The following ACOT11 variants were observed in gnomAD, a reference collection of about 807,000 sequenced individuals.
The protein encoded by ACOT11 is acyl-CoA thioesterase 11.
ACOT11 carries 69 observed loss-of-function variants against 77.5 expected under a neutral mutation model. That is an observed-to-expected ratio of 0.89 (90% CI 0.73 to 1.09). ACOT11 has a LOEUF of 1.09. Among genes scored for constraint, ACOT11 ranks in the 50% least tolerant of loss-of-function variants. The pLI is 0.00. For synonymous variants in ACOT11, 279 were observed against 313.0 expected (o/e 0.89, Z 1.15); for missense variants, 766 against 813.7 (o/e 0.94, Z 0.71).
chr1:54,569,195 C>T (rs1488057146), intron 1 of ACOT11, among the ~76,000 whole-genome samples: 1 of 150,958 alleles, frequency 6.6e-6, no homozygotes, highest in Admixed American at 6.6e-5. Flanking sequence ...CGCCTGGCTT[C>T]AAGCAATCCT....
At chr1:54,586,030 A>C in intron 3 of ACOT11, 126 bp downstream of exon 3, 1 of 784,440 alleles carries the variant, frequency 1.3e-6, no homozygotes, top group Non-Finnish European at 1.8e-6. Flanking sequence ...ACTGAAAATG[A>C]GGTGGGGGCA....
chr1:54,560,002 G>A (rs1178225710), intron 1 of ACOT11, among the ~76,000 whole-genome samples: 1 of 152,200 alleles, frequency 6.6e-6, no homozygotes, highest in Non-Finnish European at 1.5e-5. Flanking sequence ...CAGCTCCCTG[G>A]CTGCAGGCCT....
chr1:54,562,725 G>C (rs1187248561), intron 1 of ACOT11, among the ~76,000 whole-genome samples: 31 of 73,960 alleles, frequency 4.2e-4, no homozygotes, highest in African/African-American at 1.9e-3. Flanking sequence ...TCACCTCCCA[G>C]ACGGGGTCTC....
Position 54,610,073 on chromosome 1 carries a change from G to A in ACOT11, c.*961G>A. On this transcript the variant is annotated 3_prime_UTR_variant, in exon 16 of 16. Transcript: ENST00000343744. ...TGCCTCTCTGGAATCTGTCAACCCA[G>A]TTTTGGGCTCCAGGTGGATGGGTTG... 7.0e-7 allele frequency: 1 copy of A among 1,438,406 alleles called. No individual in the cohort carries two copies. 89.1% of individuals were successfully genotyped at this position (1,438,406 alleles called of 1,614,324 possible).
At chr1:54,549,147 C>T (rs1652976696) in intron 1 of ACOT11, among the ~76,000 whole-genome samples, 1 of 152,160 alleles carries the variant, frequency 6.6e-6, no homozygotes, top group Non-Finnish European at 1.5e-5. Context: ...CTCACCGGGC[C>T]CTGTGCATCT....
intron 3 of ACOT11, 59 bp downstream of exon 3, chr1:54,585,963 G>A (rs1654484145): frequency 1.3e-5 from 20 of 1,567,986 alleles, no homozygotes; most frequent in Non-Finnish European, 1.7e-5. Context: ...CCTGGGGCCT[G>A]TCCTCCTGAC....
intron 1 of ACOT11, among the ~76,000 whole-genome samples, chr1:54,554,210 C>G (rs1485089743): frequency 6.6e-6 from 1 of 150,388 alleles, no homozygotes; most frequent in African/African-American, 2.4e-5. Context: ...AAAAACTCCA[C>G]CATAACATAC....
intron 15 of ACOT11, among the ~76,000 whole-genome samples, 158 bp from the exon 16 acceptor site, chr1:54,608,799 G>A (rs1192859292): frequency 6.6e-6 from 1 of 152,104 alleles, no homozygotes; most frequent in African/African-American, 2.4e-5. Flanking sequence ...CTGGGCAACT[G>A]TGTAATCTAA....
chr1:54,634,154 A>G (rs1351324854), intron 16 of ACOT11, among the ~76,000 whole-genome samples: 1 of 152,250 alleles, frequency 6.6e-6, no homozygotes, highest in African/African-American at 2.4e-5. Flanking sequence ...GCAAGCTTTT[A>G]TAAATAGTCT....
intron 15 of ACOT11, among the ~76,000 whole-genome samples, chr1:54,617,920 T>C (rs1644190838): frequency 6.6e-6 from 1 of 150,796 alleles, no homozygotes; most frequent in South Asian, 2.1e-4. Flanking sequence ...GGAGATGCGG[T>C]TTCACCATAT....
In ACOT11 at chr1:54,609,258, C is replaced by T. The variant is rs200946242; in HGVS notation, c.*146C>T. The T allele has an allele frequency of 2.5e-6, 4 of 1,599,898 alleles. No individual in the cohort carries two copies. Among genetic ancestry groups the T allele is most frequent in the African/African-American group, 2.7e-5 (2 of 74,766 alleles). ...GCCCTGAGGTCCGCTGGCCCACCAC[C>T]CCTGGGTGCTCAGTTTCTACCAACA... On this transcript the variant is annotated 3_prime_UTR_variant, in exon 16 of 16. Transcript: ENST00000343744.
chr1:54,612,547 G>T (rs766394836), downstream of ACOT11: 5 of 1,614,062 alleles, frequency 3.1e-6, no homozygotes, highest in South Asian at 4.4e-5. Flanking sequence ...ATGGAAGACC[G>T]TACAGGGAAG....
chr1:54,548,407 G>T, intron 1 of ACOT11, 65 bp downstream of exon 1: 1 of 1,546,148 alleles, frequency 6.5e-7, no homozygotes. Flanking sequence ...AGAGATTGAT[G>T]TTTCCATTTT....
intron 1 of ACOT11, among the ~76,000 whole-genome samples, chr1:54,568,177 A>C (rs1314635469): frequency 6.6e-6 from 1 of 151,936 alleles, no homozygotes; most frequent in Non-Finnish European, 1.5e-5. Context: ...ATTCCTTCAG[A>C]TCCTAGCCAG....
intron 1 of ACOT11, among the ~76,000 whole-genome samples, chr1:54,555,833 C>T (rs1653239803): frequency 6.6e-6 from 1 of 152,040 alleles, no homozygotes; most frequent in African/African-American, 2.4e-5. Flanking sequence ...CAACCTCCGC[C>T]TCCCAGGTTC....
intron 16 of ACOT11, chr1:54,634,607 G>A: frequency 4.3e-6 from 3 of 690,248 alleles, no homozygotes; most frequent in Non-Finnish European, 7.9e-6. Context: ...AGCATTATTT[G>A]GTGAAGAGAT....
intron 16 of ACOT11, among the ~76,000 whole-genome samples, chr1:54,632,082 G>A (rs1644302873): frequency 6.6e-6 from 1 of 152,146 alleles, no homozygotes; most frequent in Admixed American, 6.5e-5. Context: ...AGCGAGTCAG[G>A]CCACCAGATA....
At chr1:54,551,383 G>A (rs895744086) in intron 1 of ACOT11, among the ~76,000 whole-genome samples, 2 of 152,196 alleles carry the variant, frequency 1.3e-5, no homozygotes, top group Non-Finnish European at 2.9e-5. Context: ...GAATGAAGTG[G>A]TCAGCCTGCT....
intron 1 of ACOT11, chr1:54,572,859 G>A (rs749755977): frequency 1.4e-4 from 124 of 911,322 alleles, no homozygotes; most frequent in Non-Finnish European, 1.5e-4. Context: ...AGTGTGGCGG[G>A]CTGAGATTTC....
Sources: gnomAD v4.1 joint callset for allele counts (sites outside exome capture counted in the v4.1 genomes callset) on GRCh38, gnomAD v4.1.1 for gene constraint, MANE v1.5 for transcripts, NCBI Gene and HGNC (gene_info 2026-07-23, HGNC 2026-07-21) for gene names.